The following ADAM23 variants were observed in gnomAD, a reference collection of about 807,000 sequenced individuals.
The protein encoded by ADAM23 is disintegrin and metalloproteinase domain-containing protein 23.
In ADAM23, 33 loss-of-function variants were observed where a neutral mutation model predicts 120.1. The ratio of observed to expected loss-of-function variants is 0.27; its 90% CI spans 0.21 to 0.37. ADAM23 has a LOEUF of 0.37. Among genes scored for constraint, ADAM23 ranks in the 10% least tolerant of loss-of-function variants. The pLI is 1.00. For synonymous variants in ADAM23, 367 were observed against 375.2 expected (o/e 0.98, Z 0.25); for missense variants, 862 against 1,058.2 (o/e 0.81, Z 2.57).
At chr2:206,492,502 A>G (rs1372270943) in intron 3 of ADAM23, among the ~76,000 whole-genome samples, 1 of 152,198 alleles carries the variant, frequency 6.6e-6, no homozygotes, top group East Asian at 1.9e-4. Flanking sequence ...ACTGGGCAAT[A>G]TTTATATATT....
In ADAM23 at chr2:206,620,158, CAAATT is replaced by C. The variant is rs1156288903; in HGVS notation, c.*2536_*2540del. 1 of 152,138 alleles carries C rather than the reference CAAATT, an allele frequency of 6.6e-6. No homozygotes were observed. Among genetic ancestry groups the C allele is most frequent in the African/African-American group, 2.4e-5 (1 of 41,422 alleles). The allele number at this position is 152,138 out of a possible 1,614,324, so 9.4% of individuals were successfully genotyped here. ...AAACAAAATCATGTTGGTTACAAAACAAATTAAATCTCTATTGTTAACTTTTAAGC... is the reference window on the plus strand; with the variant it reads ...AAACAAAATCATGTTGGTTACAAAACAAATCTCTATTGTTAACTTTTAAGC... On this transcript the variant is annotated 3_prime_UTR_variant, in exon 26 of 26. Coordinates refer to ENST00000264377, the MANE Select transcript of ADAM23 (RefSeq NM_003812.4).
intron 9 of ADAM23, among the ~76,000 whole-genome samples, chr2:206,554,569 C>T (rs773683375): frequency 1.3e-4 from 20 of 152,114 alleles, no homozygotes; most frequent in Non-Finnish European, 2.5e-4. Context: ...ATTTTATATA[C>T]ACCTAACAAA....
chr2:206,478,657 C>T (rs1165702627), intron 2 of ADAM23, among the ~76,000 whole-genome samples: 2 of 152,130 alleles, frequency 1.3e-5, no homozygotes, highest in Non-Finnish European at 1.5e-5. Flanking sequence ...GATCATGTCA[C>T]GTGAAGCCTG....
intron 18 of ADAM23, among the ~76,000 whole-genome samples, chr2:206,574,092 T>G (rs1455326480): frequency 6.6e-6 from 1 of 152,188 alleles, no homozygotes; most frequent in Non-Finnish European, 1.5e-5. Flanking sequence ...GAATGCACAC[T>G]GGCTCTCGTT....
In ADAM23 at chr2:206,594,037, C is replaced by T. The variant is rs368044266; in HGVS notation, c.2079-700C>T. Among the ~76,000 whole-genome samples the T allele has an allele frequency of 7.2e-4, 110 of 151,752 alleles. 1 individual carries two copies. The highest frequency in any genetic ancestry group is 2.4e-3 in the African/African-American group (101 of 41,438). ...CTTACCATTGTGTTATAATTGCCCA[C>T]AGTTTGCAGTACAGTATAATATGCT... is the stretch of plus-strand genomic sequence containing the variant. On this transcript the variant is annotated intron_variant, in intron 22 of 25. Transcript: ENST00000264377.
chr2:206,549,395 T>A lies in ADAM23; in HGVS notation c.868-700T>A, dbSNP rs192692167. Among the ~76,000 whole-genome samples the A allele has an allele frequency of 8.6e-5, 13 of 151,974 alleles. No homozygotes were observed. In the East Asian group the frequency reaches 2.3e-3, roughly 27 times the overall value. On this transcript the variant is annotated intron_variant, in intron 8 of 25. Transcript: ENST00000264377. Reference sequence around the variant, plus strand: ...ACCTCATCAAATATAAAGTGATCAATGACTATGTACATAAAGAAAAAAGAG... The same window carrying A: ...ACCTCATCAAATATAAAGTGATCAAAGACTATGTACATAAAGAAAAAAGAG...
At chr2:206,555,975 C>G (rs1237706743) in intron 9 of ADAM23, among the ~76,000 whole-genome samples, 1 of 152,116 alleles carries the variant, frequency 6.6e-6, no homozygotes, top group South Asian at 2.1e-4. Flanking sequence ...ATAGAAACTT[C>G]TTTATGCCAA....
At chr2:206,603,388 G>T (rs550900393) in intron 24 of ADAM23, among the ~76,000 whole-genome samples, 1 of 152,082 alleles carries the variant, frequency 6.6e-6, no homozygotes, top group Non-Finnish European at 1.5e-5. Flanking sequence ...AAGCAGAATC[G>T]ACAAAAAGAA....
chr2:206,592,662 T>C lies in ADAM23; in HGVS notation c.2004T>C (p.Ala668=). The change falls in exon 22 of 26, where the codon GCT becomes GCC. Residue 668 remains alanine, a synonymous_variant. Transcript: ENST00000264377. The stretch of plus-strand genomic sequence containing the variant: ...TACTCTGTACCAATCTTACTCGAGC[T>C]CCACGTATTGGTCAACTTCAGGGTG... ...GFLLCTNLTR[A]PRIGQLQGEI... is the part of the protein sequence containing the mutation. 1 of 1,614,080 alleles carries C rather than the reference T, an allele frequency of 6.2e-7. No individual in the cohort carries two copies. Among genetic ancestry groups the C allele is most frequent in the Non-Finnish European group, 8.5e-7 (1 of 1,179,946 alleles).
At chr2:206,482,298 G>C (rs1695914026) in intron 3 of ADAM23, among the ~76,000 whole-genome samples, 1 of 152,168 alleles carries the variant, frequency 6.6e-6, no homozygotes, top group African/African-American at 2.4e-5. Flanking sequence ...GGTATTGCAG[G>C]TTTTCCTCTT....
At chr2:206,457,076 TC>T (rs1695316092) in intron 2 of ADAM23, among the ~76,000 whole-genome samples, 1 of 152,190 alleles carries the variant, frequency 6.6e-6, no homozygotes, top group African/African-American at 2.4e-5. Flanking sequence ...GAGTCCTCTC[TC>T]CCCATGTTTA....
intron 2 of ADAM23, among the ~76,000 whole-genome samples, chr2:206,456,996 A>G (rs1188928428): frequency 6.6e-6 from 1 of 152,206 alleles, no homozygotes; most frequent in Non-Finnish European, 1.5e-5. Flanking sequence ...AGGCCTGCTA[A>G]TACCATATAC....
At chr2:206,496,828 C>T (rs1233912157) in intron 3 of ADAM23, among the ~76,000 whole-genome samples, 10 of 151,872 alleles carry the variant, frequency 6.6e-5, no homozygotes, top group South Asian at 4.2e-4. Flanking sequence ...ATATCACCAC[C>T]GATCCCACAG....
chr2:206,467,987 G>A lies in ADAM23; in HGVS notation c.433-13245G>A, dbSNP rs552354996. ...GGGCCTCTTTTAACCATGACTGGCCGGAGCTAGAGTGCCTGGGAAGCAGGG... is the reference window on the plus strand; with the variant it reads ...GGGCCTCTTTTAACCATGACTGGCCAGAGCTAGAGTGCCTGGGAAGCAGGG... On this transcript the variant is annotated intron_variant, in intron 2 of 25. Coordinates refer to ENST00000264377, the MANE Select transcript of ADAM23 (RefSeq NM_003812.4). Among the ~76,000 whole-genome samples, 82 of 152,264 alleles carry A rather than the reference G, an allele frequency of 5.4e-4. 2 individuals carry two copies. The highest frequency in any genetic ancestry group is 9.4e-4 in the Non-Finnish European group (64 of 68,018).
chr2:206,508,345 A>G (rs1268151706), intron 3 of ADAM23, among the ~76,000 whole-genome samples: 1 of 151,996 alleles, frequency 6.6e-6, no homozygotes, highest in Non-Finnish European at 1.5e-5. Context: ...ACTTTTTATC[A>G]CTTTACTAAC....
At chr2:206,448,885 T>C (rs1337002737) in intron 2 of ADAM23, among the ~76,000 whole-genome samples, 1 of 152,220 alleles carries the variant, frequency 6.6e-6, no homozygotes, top group African/African-American at 2.4e-5. Context: ...GTAAAGTATT[T>C]CCTGAGTTCT....
chr2:206,496,783 G>A (rs1559234271), intron 3 of ADAM23, among the ~76,000 whole-genome samples: 1 of 151,732 alleles, frequency 6.6e-6, no homozygotes, highest in Non-Finnish European at 1.5e-5. Flanking sequence ...AAAGAGAGAA[G>A]AATCAAATAG....
intron 3 of ADAM23, among the ~76,000 whole-genome samples, chr2:206,513,577 C>T (rs528780988): frequency 1.1e-3 from 162 of 152,316 alleles, no homozygotes; most frequent in Non-Finnish European, 1.9e-3. Flanking sequence ...GGTAAAGCAG[C>T]AAGTGCTAAT....
intron 2 of ADAM23, 27 bp downstream of exon 2, chr2:206,445,551 G>A: frequency 6.4e-7 from 1 of 1,573,044 alleles, no homozygotes; most frequent in Non-Finnish European, 8.7e-7. Context: ...CTATGCAAAA[G>A]TAACTATCAT....
Sources: allele counts gnomAD v4.1 joint callset (sites outside exome capture counted in the v4.1 genomes callset), GRCh38; gene constraint gnomAD v4.1.1; transcripts MANE v1.5; gene names NCBI Gene and HGNC (gene_info 2026-07-23, HGNC 2026-07-21).